Variants in MALRD1 observed in about 807,000 individuals in gnomAD.
MALRD1 encodes the protein MAM and LDL-receptor class A domain-containing protein 1.
A neutral mutation model predicts 242.1 loss-of-function variants in MALRD1; 247 were observed. The observed-to-expected ratio is 1.02, with a 90% CI of 0.92 to 1.13. The LOEUF (loss-of-function observed/expected upper bound fraction) is 1.13. MALRD1 is among the 50% of genes most tolerant of loss of function. The probability of loss-of-function intolerance (pLI) is 0.00; values close to 1 mark genes in which losing one functional copy is unlikely to be tolerated. For missense variants in MALRD1, 2,989 were observed against 2,533.1 expected, an observed-to-expected ratio of 1.18 and a Z score of -3.86; for synonymous variants, 995 against 866.6, an observed-to-expected ratio of 1.15 and a Z score of -2.60.
intron 30 of MALRD1, among the ~76,000 whole-genome samples, chr10:19,492,678 G>C (rs1025488395): frequency 6.6e-6 from 1 of 152,152 alleles, no homozygotes; most frequent in African/African-American, 2.4e-5. Context: ...AATAGCAACA[G>C]TTACTTTGAT....
At chr10:19,654,449 C>T (rs1702745197) in intron 36 of MALRD1, among the ~76,000 whole-genome samples, 2 of 152,130 alleles carry the variant, frequency 1.3e-5, no homozygotes, top group South Asian at 2.1e-4. Context: ...TAAAGGCTGA[C>T]TTCAGCTGGG....
At chr10:19,708,603 C>T (rs1833972453) in intron 38 of MALRD1, among the ~76,000 whole-genome samples, 1 of 115,412 alleles carries the variant, frequency 8.7e-6, no homozygotes. Flanking sequence ...GCCGGGGCCT[C>T]CCAAAGTACT....
At chr10:19,410,304 C>A (rs2130881622) in intron 28 of MALRD1, among the ~76,000 whole-genome samples, 1 of 151,980 alleles carries the variant, frequency 6.6e-6, no homozygotes, top group Admixed American at 6.6e-5. Context: ...TATCTCACGC[C>A]CAAGTTTAGT....
intron 28 of MALRD1, among the ~76,000 whole-genome samples, chr10:19,447,421 G>A (rs1835059333): frequency 6.6e-6 from 1 of 152,118 alleles, no homozygotes; most frequent in Non-Finnish European, 1.5e-5. Flanking sequence ...GTTGATCCAT[G>A]ATTCGTTTGC....
At chr10:19,119,698 A>G (rs1836994820) in intron 5 of MALRD1, among the ~76,000 whole-genome samples, 1 of 152,226 alleles carries the variant, frequency 6.6e-6, no homozygotes, top group Non-Finnish European at 1.5e-5. Context: ...CTCCAGCTGC[A>G]TGACTCCTAA....
At chr10:19,106,600 T>G (rs1836473557) in intron 5 of MALRD1, among the ~76,000 whole-genome samples, 1 of 152,042 alleles carries the variant, frequency 6.6e-6, no homozygotes, top group East Asian at 1.9e-4. Context: ...CTTTGTTGTC[T>G]TTGGTATTGC....
intron 34 of MALRD1, among the ~76,000 whole-genome samples, chr10:19,598,663 A>AGT (rs899835583): frequency 1.3e-5 from 2 of 152,060 alleles, no homozygotes; most frequent in Non-Finnish European, 2.9e-5. Context: ...TGTGTTTGGA[A>AGT]GTGTATATAT....
chr10:19,531,665 A>G (rs906750214), intron 32 of MALRD1, among the ~76,000 whole-genome samples: 1 of 152,218 alleles, frequency 6.6e-6, no homozygotes, highest in Non-Finnish European at 1.5e-5. Flanking sequence ...AGCTAGGGAC[A>G]GTAAAGAAAT....
intron 34 of MALRD1, among the ~76,000 whole-genome samples, chr10:19,605,164 T>TTA (rs1491177670): frequency 4.1e-5 from 1 of 24,400 alleles, no homozygotes; most frequent in Non-Finnish European, 8.0e-5. Context: ...TTTATTATTA[T>TTA]TTTTTTTTTT....
intron 38 of MALRD1, among the ~76,000 whole-genome samples, chr10:19,702,012 C>T (rs947295602): frequency 9.2e-5 from 14 of 151,966 alleles, no homozygotes; most frequent in African/African-American, 3.1e-4. Flanking sequence ...ACAGACAGCC[C>T]GACTGGCTTT....
chr10:19,516,714 T>TTTCC (rs1477979026), intron 31 of MALRD1, among the ~76,000 whole-genome samples: 5 of 116,378 alleles, frequency 4.3e-5, no homozygotes, highest in East Asian at 2.9e-4. Context: ...CCTCCCTTGC[T>TTTCC]TACCTCCCTC....
At chr10:19,115,976 C>A (rs1836857678) in intron 5 of MALRD1, among the ~76,000 whole-genome samples, 1 of 152,108 alleles carries the variant, frequency 6.6e-6, no homozygotes, top group Admixed American at 6.5e-5. Context: ...GCAAGTTGGA[C>A]AATAAAACTA....
At chr10:19,282,499 C>CCTG (rs1840867517) in intron 20 of MALRD1, among the ~76,000 whole-genome samples, 1 of 152,050 alleles carries the variant, frequency 6.6e-6, no homozygotes, top group Non-Finnish European at 1.5e-5. Flanking sequence ...TTACACATAA[C>CCTG]CTGTACATTT....
In MALRD1 at chr10:19,206,884, A is replaced by G. The variant is rs80055382; in HGVS notation, c.2578+1619A>G. On this transcript the variant is annotated intron_variant, in intron 17 of 39. Coordinates refer to ENST00000454679, the MANE Select transcript of MALRD1 (RefSeq NM_001142308.3). Reference sequence around the variant, plus strand: ...CAACTTGCCATTCACCTTCTGCCCTACAGCCAAAGACTGACATCTGGAGGG... The same window carrying G: ...CAACTTGCCATTCACCTTCTGCCCTGCAGCCAAAGACTGACATCTGGAGGG... Among the ~76,000 whole-genome samples, 2,345 of 152,266 alleles carry G rather than the reference A, an allele frequency of 0.015. 103 individuals carry two copies. In the East Asian group the frequency reaches 0.18, roughly 12 times the overall value.
At chr10:19,165,266 T>TATATATATATA (rs1554801500) in intron 12 of MALRD1, among the ~76,000 whole-genome samples, 31 of 116,202 alleles carry the variant, frequency 2.7e-4, no homozygotes, top group African/African-American at 6.9e-4. Flanking sequence ...TATATATATA[T>TATATATATATA]TTTGTTTTGT....
rs767942562 is a variant in MALRD1 at position 19,498,613 on chromosome 10, A to G, written c.5287A>G (p.Lys1763Glu). 3 of 1,550,326 alleles carry G rather than the reference A, an allele frequency of 1.9e-6. No homozygotes were observed. In the South Asian group the frequency reaches 3.6e-5, roughly 18 times the overall value. ...GGCCATTGGCAGCAGAATTCCTGCCAAAGCATTAATTCCAGACTCTGATCA... is the reference window on the plus strand; with the variant it reads ...GGCCATTGGCAGCAGAATTCCTGCCGAAGCATTAATTCCAGACTCTGATCA... ...DWAIGSRIPA[K>E]ALIPDSDHTP... Residue 1763 changes from lysine to glutamate, a missense_variant, in exon 31 of 40, where the codon AAA becomes GAA. Coordinates refer to ENST00000454679, the MANE Select transcript of MALRD1 (RefSeq NM_001142308.3).
intron 31 of MALRD1, among the ~76,000 whole-genome samples, chr10:19,521,732 A>G (rs780809709): frequency 2.0e-5 from 3 of 152,160 alleles, no homozygotes; most frequent in Non-Finnish European, 2.9e-5. Context: ...TGTATTTAAT[A>G]CTACTGATCA....
At chr10:19,704,539 A>C (rs546550622) in intron 38 of MALRD1, among the ~76,000 whole-genome samples, 18 of 152,320 alleles carry the variant, frequency 1.2e-4, no homozygotes, top group African/African-American at 4.3e-4. Context: ...GCTTCAAGAT[A>C]TACATTTGGG....
At position 19,487,517 on chromosome 10, in the gene MALRD1, C is replaced by CT. The variant is rs11301302; in HGVS notation, c.5030-3982dup. Among the ~76,000 whole-genome samples the CT allele has an allele frequency of 7.4e-4, 105 of 142,202 alleles. No individual in the cohort carries two copies. The Middle Eastern group carries it at 0.012, about 16-fold the overall frequency. 93.3% of individuals were successfully genotyped at this position (142,202 alleles called of 152,430 possible). A position where few individuals can be genotyped will look rare whatever the true frequency, so the allele number is the denominator to read the frequency against. On this transcript the variant is annotated intron_variant, in intron 29 of 39. Coordinates refer to ENST00000454679, the MANE Select transcript of MALRD1 (RefSeq NM_001142308.3). ...TATTTAGAGATGTAGCCTATTTTAACTTTTTTTTTTTTTTTTTTATAAAAG... is the reference window on the plus strand; with the variant it reads ...TATTTAGAGATGTAGCCTATTTTAACTTTTTTTTTTTTTTTTTTTATAAAAG...
Sources: allele counts gnomAD v4.1 joint callset (sites outside exome capture counted in the v4.1 genomes callset), GRCh38; gene constraint gnomAD v4.1.1; transcripts MANE v1.5; gene names NCBI Gene and HGNC (gene_info 2026-07-23, HGNC 2026-07-21).